The following RFFL variants were observed in gnomAD, a reference collection of about 807,000 sequenced individuals.
RFFL encodes the protein ring finger and FYVE like domain containing E3 ubiquitin protein ligase, also known as E3 ubiquitin-protein ligase rififylin.
In RFFL, 16 loss-of-function variants were observed where a neutral mutation model predicts 40.4. The observed-to-expected ratio is 0.40, with a 90% CI of 0.27 to 0.60. RFFL has a LOEUF of 0.60. RFFL is among the 20% of genes least tolerant of loss of function. The probability of loss-of-function intolerance (pLI) is 0.47; values close to 1 mark genes in which losing one functional copy is unlikely to be tolerated. For synonymous variants in RFFL, 154 were observed against 167.9 expected (o/e 0.92, Z 0.64); for missense variants, 367 against 451.7 (o/e 0.81, Z 1.70).
exon 1 of RFFL, chr17:35,089,203 C>T (rs2091446882): frequency 6.6e-6 from 1 of 152,016 alleles, no homozygotes; most frequent in South Asian, 2.1e-4. Context: ...CTGCGGACTC[C>T]GCCGCGGCGG....
intron 1 of RFFL, 87 bp from the exon 2 acceptor site, chr17:35,026,648 GACAC>G: frequency 9.7e-7 from 1 of 1,028,570 alleles, no homozygotes; most frequent in Non-Finnish European, 1.4e-6. Context: ...GGTGAGCAGT[GACAC>G]TCAATGCACG....
rs868715336 is a variant in RFFL at position 35,009,424 on chromosome 17, C to T, written c.*2544G>A. On this transcript the variant is annotated 3_prime_UTR_variant, in exon 7 of 7. Transcript: ENST00000394597. ...AATCAGCAAAAGCTACGGAATAATT[C>T]TAAGAATTAGATGTTTCCATATCAT... 1 of 151,946 alleles carries T rather than the reference C, an allele frequency of 6.6e-6. No individual in the cohort carries two copies. The highest frequency in any genetic ancestry group is 1.5e-5 in the Non-Finnish European group (1 of 67,990). The allele number at this position is 151,946 out of a possible 1,614,324, so 9.4% of individuals were successfully genotyped here.
In RFFL at chr17:35,017,559, C is replaced by G. The variant is rs1379106195; in HGVS notation, c.639G>C (p.Glu213Asp). 6.2e-7 allele frequency: 1 copy of G among 1,611,858 alleles called. No homozygotes were observed. The highest frequency in any genetic ancestry group is 2.2e-5 in the East Asian group (1 of 44,846). The change falls in exon 4 of 7, where the codon GAG (glutamate) becomes GAC (aspartate). Residue 213 changes from glutamate to aspartate, a missense_variant. Transcript: ENST00000394597. ...CCTCAGCAGGTACTCTGGCCACGCT[C>G]TCCAGGTAGACGGGTTCCTCTTGAT... ...SQDQEEPVYL[E>D]SVARVPAEDE...
At chr17:35,041,912 G>A (rs1423108225) in intron 1 of RFFL, among the ~76,000 whole-genome samples, 1 of 152,150 alleles carries the variant, frequency 6.6e-6, no homozygotes, top group African/African-American at 2.4e-5. Flanking sequence ...CTACTCAGGA[G>A]GCTAAGGGAG....
intron 1 of RFFL, among the ~76,000 whole-genome samples, chr17:35,080,663 G>C (rs1216284757): frequency 1.3e-5 from 2 of 152,158 alleles, no homozygotes; most frequent in Non-Finnish European, 2.9e-5. Flanking sequence ...GAAGCCAGCA[G>C]AGCCTCCACT....
intron 1 of RFFL, among the ~76,000 whole-genome samples, chr17:35,083,649 C>T (rs1198798168): frequency 1.3e-5 from 2 of 151,644 alleles, no homozygotes; most frequent in East Asian, 1.9e-4. Context: ...GACATGGTGG[C>T]GCATGTCTGT....
chr17:35,050,055 C>T lies in RFFL; in HGVS notation c.-9+13521G>A, dbSNP rs375536605. 5.5e-3 allele frequency among the ~76,000 whole-genome samples: 820 copies of T among 148,894 alleles called. 6 individuals carry two copies. The highest frequency in any genetic ancestry group is 0.019 in the African/African-American group (765 of 39,556). On this transcript the variant is annotated intron_variant, in intron 1 of 6. Coordinates refer to ENST00000394597, the MANE Select transcript of RFFL (RefSeq NM_001017368.2). ...TGAGATCACGCCATTGCACTCCAGCCTAGGTGACAGAGTAAGACTCCATCT... is the reference window on the plus strand; with the variant it reads ...TGAGATCACGCCATTGCACTCCAGCTTAGGTGACAGAGTAAGACTCCATCT...
In RFFL at chr17:35,021,522, C is replaced by G; in HGVS notation, c.440G>C (p.Arg147Pro). Residue 147 changes from arginine to proline, a missense_variant, in exon 3 of 7, where the codon CGT (arginine) becomes CCT (proline). By Grantham distance (103) the Arg-to-Pro change is moderately radical. Coordinates refer to ENST00000394597, the MANE Select transcript of RFFL (RefSeq NM_001017368.2). Reference sequence around the variant, plus strand: ...AAAGTCTGGGGACAAGGTGGAGGCACGAGTCCTGTCCTCCTGGGAGATTAC... The same window carrying G: ...AAAGTCTGGGGACAAGGTGGAGGCAGGAGTCCTGTCCTCCTGGGAGATTAC... ...QPVISQEDRT[R>P]ASTLSPDFPE... The G allele has an allele frequency of 6.2e-7, 1 of 1,610,468 alleles. No individual in the cohort carries two copies. Among genetic ancestry groups the G allele is most frequent in the South Asian group, 1.1e-5 (1 of 90,506 alleles).
chr17:35,035,015 A>C (rs1462146932), intron 1 of RFFL, among the ~76,000 whole-genome samples: 1 of 152,170 alleles, frequency 6.6e-6, no homozygotes, highest in African/African-American at 2.4e-5. Context: ...CTTCCTCCAC[A>C]CTATTTTTAT....
chr17:35,042,621 C>T (rs1195959020), intron 1 of RFFL, among the ~76,000 whole-genome samples: 2 of 151,888 alleles, frequency 1.3e-5, no homozygotes, highest in Non-Finnish European at 2.9e-5. Context: ...CCCAGGAGTT[C>T]GAGACCAGCC....
intron 1 of RFFL, among the ~76,000 whole-genome samples, chr17:35,077,366 G>A (rs2091382346): frequency 6.6e-6 from 1 of 152,100 alleles, no homozygotes. Flanking sequence ...ACTGCTGGAG[G>A]CCCATTCACG....
chr17:35,072,338 A>G (rs1357800755), intron 1 of RFFL, among the ~76,000 whole-genome samples: 1 of 152,036 alleles, frequency 6.6e-6, no homozygotes, highest in Non-Finnish European at 1.5e-5. Context: ...AAAACAAAAA[A>G]CCCAGTCTTA....
intron 1 of RFFL, among the ~76,000 whole-genome samples, chr17:35,086,228 T>C (rs1317683407): frequency 2.0e-5 from 3 of 152,152 alleles, no homozygotes; most frequent in Non-Finnish European, 2.9e-5. Context: ...CTCACACCCA[T>C]AATCCCAGCA....
At chr17:35,045,109 T>C (rs1157467488) in intron 1 of RFFL, among the ~76,000 whole-genome samples, 1 of 151,958 alleles carries the variant, frequency 6.6e-6, no homozygotes, top group Non-Finnish European at 1.5e-5. Flanking sequence ...CTCCTGTACC[T>C]CTGGAGAACG....
chr17:35,072,905 T>C (rs1243716977), intron 1 of RFFL, among the ~76,000 whole-genome samples: 1 of 152,054 alleles, frequency 6.6e-6, no homozygotes, highest in Non-Finnish European at 1.5e-5. Flanking sequence ...TAGCCAGGCA[T>C]GGTAGCGTGC....
chr17:35,059,949 C>T (rs990137505), intron 1 of RFFL, among the ~76,000 whole-genome samples: 8 of 152,132 alleles, frequency 5.3e-5, no homozygotes, highest in Admixed American at 2.6e-4. Flanking sequence ...AGATTATTTC[C>T]TAGCTCTAAT....
intron 1 of RFFL, among the ~76,000 whole-genome samples, chr17:35,048,658 C>G (rs1405861007): frequency 6.6e-6 from 1 of 152,140 alleles, no homozygotes; most frequent in African/African-American, 2.4e-5. Context: ...CCCCACAACC[C>G]TGCAGTCCAG....
chr17:35,077,862 C>A (rs2091384812), intron 1 of RFFL, among the ~76,000 whole-genome samples: 1 of 152,180 alleles, frequency 6.6e-6, no homozygotes, highest in Admixed American at 6.5e-5. Context: ...ACACCCCAGA[C>A]TATAATCTAA....
chr17:35,064,549 C>CAA (rs752636374), upstream of RFFL, among the ~76,000 whole-genome samples: 129 of 68,744 alleles, frequency 1.9e-3, 3 homozygotes, highest in South Asian at 0.041. Context: ...TGGTGTTATA[C>CAA]AAAAAAAAAA....
Sources: gnomAD v4.1 joint callset for allele counts (sites outside exome capture counted in the v4.1 genomes callset) on GRCh38, gnomAD v4.1.1 for gene constraint, MANE v1.5 for transcripts, NCBI Gene and HGNC (gene_info 2026-07-23, HGNC 2026-07-21) for gene names.